The following GET4 variants were observed in gnomAD, a reference collection of about 807,000 sequenced individuals.
GET4 encodes guided entry of tail-anchored proteins factor 4, also known as Golgi to ER traffic protein 4 homolog.
A neutral mutation model predicts 40.0 loss-of-function variants in GET4; 20 were observed. The observed-to-expected ratio is 0.50, with a 90% confidence interval of 0.35 to 0.73. The LOEUF is 0.73. Among genes scored for constraint, GET4 ranks in the 30% least tolerant of loss-of-function variants. The probability of loss-of-function intolerance (pLI) is 0.01; values close to 1 mark genes in which losing one functional copy is unlikely to be tolerated. For synonymous variants in GET4, 280 were observed against 194.6 expected, an observed-to-expected ratio of 1.44 and a Z score of -3.65; for missense variants, 557 against 454.0, an observed-to-expected ratio of 1.23 and a Z score of -2.06.
At chr7:891,091 C>G (rs1450133238) in intron 5 of GET4, 25 bp downstream of exon 5, 6 of 1,558,538 alleles carry the variant, frequency 3.8e-6, no homozygotes, top group Non-Finnish European at 5.2e-6. Context: ...CTCTTCGGGT[C>G]TCGGCTTCCA....
chr7:886,644 C>G lies in GET4; in HGVS notation c.310C>G (p.Leu104Val), dbSNP rs576129803. 6.8e-6 allele frequency: 11 copies of G among 1,609,310 alleles called. 1 individual carries two copies. The South Asian group carries it at 7.7e-5, about 11-fold the overall frequency. ...GGCGGAAGTGGAGGTGGCTGACGAGCTGCTGGGTGAGCATCCGGCCCTTCA... is the reference window on the plus strand; with the variant it reads ...GGCGGAAGTGGAGGTGGCTGACGAGGTGCTGGGTGAGCATCCGGCCCTTCA... ...EKAEVEVADELLENLAKVFSL... is the reference protein window; with the variant it reads ...EKAEVEVADEVLENLAKVFSL... The change falls in exon 3 of 9, where the codon CTG (leucine) becomes GTG (valine). Residue 104 changes from leucine (L) to valine (V), a missense_variant. Leu to Val is a conservative substitution (Grantham distance 32, BLOSUM62 1). Coordinates refer to ENST00000265857, the MANE Select transcript of GET4 (RefSeq NM_015949.3).
intron 4 of GET4, among the ~76,000 whole-genome samples, chr7:888,376 C>T (rs1374750795): frequency 1.3e-5 from 2 of 152,212 alleles, no homozygotes; most frequent in African/African-American, 2.4e-5. Flanking sequence ...ATGCGAAACG[C>T]ATGCCCATCC....
intron 1 of GET4, chr7:881,543 C>T (rs1276876653): frequency 6.6e-6 from 1 of 152,256 alleles, no homozygotes; most frequent in Non-Finnish European, 1.5e-5. Context: ...CCCTGTGTGT[C>T]TCCAGCACAA....
intron 8 of GET4, among the ~76,000 whole-genome samples, chr7:894,939 G>A (rs187916761): frequency 2.2e-4 from 34 of 152,248 alleles, no homozygotes; most frequent in East Asian, 2.1e-3. Flanking sequence ...ACTGTAGGGC[G>A]CAGTGTGCTC....
intron 1 of GET4, chr7:878,284 T>C (rs1198035170): frequency 4.2e-6 from 2 of 471,128 alleles, no homozygotes; most frequent in Non-Finnish European, 8.8e-6. Flanking sequence ...TCTGTTCCAG[T>C]ATTTTTGCTG....
chr7:878,382 A>C (rs1844012443), intron 1 of GET4: 8 of 470,934 alleles, frequency 1.7e-5, no homozygotes, highest in South Asian at 1.2e-4. Flanking sequence ...GGTTCAGGTC[A>C]GGGAACAGTC....
intron 1 of GET4, chr7:884,008 C>G (rs754359388): frequency 2.6e-6 from 3 of 1,138,342 alleles, no homozygotes; most frequent in Non-Finnish European, 2.2e-6. Flanking sequence ...CAAACCAGGC[C>G]GGGGGCCGTG....
chr7:883,728 C>T (rs1844131021), intron 1 of GET4: 1 of 986,064 alleles, frequency 1.0e-6, no homozygotes, highest in Non-Finnish European at 1.2e-6. Flanking sequence ...TCCCCGGCCT[C>T]GGGCTTGAGA....
intron 1 of GET4, among the ~76,000 whole-genome samples, chr7:877,031 C>T (rs1269178005): frequency 2.6e-5 from 4 of 151,498 alleles, no homozygotes; most frequent in Non-Finnish European, 5.9e-5. Context: ...GCCTCGGCTT[C>T]CTTCCCCTCT....
chr7:887,802 G>A (rs986678863), intron 4 of GET4, among the ~76,000 whole-genome samples: 9 of 152,210 alleles, frequency 5.9e-5, no homozygotes, highest in Non-Finnish European at 1.2e-4. Context: ...GGGCCTATGC[G>A]TGCTGCTGCT....
intron 4 of GET4, among the ~76,000 whole-genome samples, chr7:889,282 C>T (rs10232786): frequency 6.6e-6 from 1 of 152,250 alleles, no homozygotes; most frequent in Non-Finnish European, 1.5e-5. Context: ...CCCGGGGAGC[C>T]CAGGCCTGCT....
intron 1 of GET4, among the ~76,000 whole-genome samples, chr7:879,416 C>G (rs946968614): frequency 2.6e-5 from 4 of 152,194 alleles, no homozygotes; most frequent in Admixed American, 2.0e-4. Flanking sequence ...GTGTTTGTGT[C>G]GGTAGTTGTC....
At position 892,325 on chromosome 7, in the gene GET4, C is replaced by A. The variant is rs1484935592; in HGVS notation, c.653C>A (p.Thr218Lys). The change falls in exon 6 of 9, where the codon ACG (threonine) becomes AAG (lysine). Residue 218 changes from threonine (T) to lysine (K), a missense_variant. Transcript: ENST00000265857. ...NKSSASVVFT[T>K]YTQKHPSIED... The stretch of plus-strand genomic sequence containing the variant: ...AGTAGCGCATCGGTGGTCTTCACGA[C>A]GTACACCCAGAAGCACCCGTCCATC... 1 of 1,595,784 alleles carries A rather than the reference C, an allele frequency of 6.3e-7. No individual in the cohort carries two copies. Among genetic ancestry groups the A allele is most frequent in the Non-Finnish European group, 8.6e-7 (1 of 1,164,496 alleles).
At chr7:888,861 G>A (rs1421185815) in intron 4 of GET4, among the ~76,000 whole-genome samples, 1 of 152,256 alleles carries the variant, frequency 6.6e-6, no homozygotes, top group African/African-American at 2.4e-5. Flanking sequence ...GGTTAGGGAG[G>A]CAGGAGCTGC....
chr7:892,834 T>C (rs1844359443), intron 6 of GET4, among the ~76,000 whole-genome samples: 1 of 150,278 alleles, frequency 6.7e-6, no homozygotes, highest in Admixed American at 6.6e-5. Flanking sequence ...GTGCAGGTGT[T>C]GCGTGTCTGG....
intron 1 of GET4, chr7:880,676 TCTCAA>T (rs1257009199): frequency 5.3e-5 from 8 of 152,220 alleles, no homozygotes; most frequent in African/African-American, 1.9e-4. Context: ...TTACTGAACC[TCTCAA>T]ACCTTGGCTT....
At chr7:882,162 C>T (rs986888905) in intron 1 of GET4, 1 of 152,208 alleles carries the variant, frequency 6.6e-6, no homozygotes, top group Non-Finnish European at 1.5e-5. Flanking sequence ...CATGGTAGAA[C>T]CATTTAGAGT....
chr7:878,866 A>G (rs1311302147), intron 1 of GET4, among the ~76,000 whole-genome samples: 1 of 152,210 alleles, frequency 6.6e-6, no homozygotes, highest in Non-Finnish European at 1.5e-5. Flanking sequence ...GGCGTGAGCC[A>G]CGGCGCCCGG....
At chr7:893,685 G>C in intron 6 of GET4, 55 bp from the exon 7 acceptor site, 1 of 1,191,996 alleles carries the variant, frequency 8.4e-7, no homozygotes, top group Non-Finnish European at 1.2e-6. Context: ...GTTTGTGCAG[G>C]TGAGTGTGGT....
Sources: gnomAD v4.1 joint callset for allele counts (sites outside exome capture counted in the v4.1 genomes callset) on GRCh38, gnomAD v4.1.1 for gene constraint, MANE v1.5 for transcripts, NCBI Gene and HGNC (gene_info 2026-07-23, HGNC 2026-07-21) for gene names.